Variants in RAPGEF4 observed in about 807,000 individuals in gnomAD.
RAPGEF4 encodes RAP guanine-nucleotide-exchange factor (GEF) 4.
Under a neutral mutation model 147.9 loss-of-function variants are expected in RAPGEF4, and 66 were observed. The observed-to-expected ratio is 0.45, with a 90% CI of 0.37 to 0.55. The LOEUF (loss-of-function observed/expected upper bound fraction) is 0.55, where lower values mean the gene tolerates loss of function less well. Ranked by LOEUF, RAPGEF4 falls within the 20% of genes least tolerant of loss-of-function variation. The probability of loss-of-function intolerance (pLI) is 0.00; values close to 1 mark genes in which losing one functional copy is unlikely to be tolerated. For synonymous variants in RAPGEF4, 419 were observed against 442.7 expected, an observed-to-expected ratio of 0.95 and a Z score of 0.67; for missense variants, 1,071 against 1,257.3, an observed-to-expected ratio of 0.85 and a Z score of 2.24.
chr2:173,004,155 G>T (rs1021717658), intron 17 of RAPGEF4, among the ~76,000 whole-genome samples: 1 of 152,148 alleles, frequency 6.6e-6, no homozygotes, highest in Non-Finnish European at 1.5e-5. Context: ...TCCACATTGT[G>T]TGTCTCTTCC....
chr2:173,043,294 T>A (rs1280159478), intron 29 of RAPGEF4, among the ~76,000 whole-genome samples: 2 of 152,106 alleles, frequency 1.3e-5, no homozygotes, highest in African/African-American at 4.8e-5. Flanking sequence ...TGGCAAACAT[T>A]AAGAGCAAGG....
intron 4 of RAPGEF4, among the ~76,000 whole-genome samples, chr2:172,821,277 C>T (rs1689035590): frequency 6.6e-6 from 1 of 152,160 alleles, no homozygotes; most frequent in African/African-American, 2.4e-5. Context: ...GAATGCCCGG[C>T]CCACCTGCAG....
chr2:172,924,968 GAC>G (rs1685128921), intron 6 of RAPGEF4, among the ~76,000 whole-genome samples: 1 of 152,102 alleles, frequency 6.6e-6, no homozygotes, highest in East Asian at 1.9e-4. Flanking sequence ...TTGTTTTTGA[GAC>G]AGAGTCTCAT....
At chr2:172,997,356 C>T (rs916484010) in intron 16 of RAPGEF4, among the ~76,000 whole-genome samples, 1 of 152,120 alleles carries the variant, frequency 6.6e-6, no homozygotes, top group African/African-American at 2.4e-5. Flanking sequence ...GGATTAAGGC[C>T]CTCATTAAGG....
intron 1 of RAPGEF4, among the ~76,000 whole-genome samples, chr2:172,788,339 A>C (rs1217560676): frequency 1.3e-5 from 2 of 152,224 alleles, no homozygotes; most frequent in African/African-American, 2.4e-5. Context: ...AAGAGATGTT[A>C]TCAATTGGAT....
At chr2:172,929,138 A>C (rs1409212753) in intron 6 of RAPGEF4, among the ~76,000 whole-genome samples, 1 of 152,192 alleles carries the variant, frequency 6.6e-6, no homozygotes, top group Non-Finnish European at 1.5e-5. Flanking sequence ...ATGTGTTTGA[A>C]TTTTTATTGT....
At chr2:172,994,541 G>A (rs568295160) in intron 15 of RAPGEF4, among the ~76,000 whole-genome samples, 32 of 152,174 alleles carry the variant, frequency 2.1e-4, no homozygotes, top group African/African-American at 5.8e-4. Context: ...TAAACAGGAC[G>A]ACCTTATTCA....
chr2:172,769,214 G>A lies in RAPGEF4; in HGVS notation c.66-25811G>A, dbSNP rs1367035307. ...GATCTCTGGAATAAACTTGACAGTA[G>A]ACAGCAGAAAAGGCATACACATTTA... On this transcript the variant is annotated intron_variant, in intron 1 of 30. Coordinates refer to ENST00000397081, the MANE Select transcript of RAPGEF4 (RefSeq NM_007023.4). Among the ~76,000 whole-genome samples, 3 of 151,908 alleles carry A rather than the reference G, an allele frequency of 2.0e-5. No homozygotes were observed. The South Asian group carries it at 6.2e-4, about 32-fold the overall frequency.
chr2:172,855,908 A>G (rs1693364209), intron 4 of RAPGEF4, among the ~76,000 whole-genome samples: 1 of 152,040 alleles, frequency 6.6e-6, no homozygotes, highest in African/African-American at 2.4e-5. Context: ...TAATAGTTTG[A>G]ATATGATGTG....
intron 14 of RAPGEF4, among the ~76,000 whole-genome samples, 200 bp from the exon 15 acceptor site, chr2:172,990,610 A>G (rs1692734114): frequency 6.6e-6 from 1 of 152,188 alleles, no homozygotes; most frequent in African/African-American, 2.4e-5. Flanking sequence ...GCTAGGGTAA[A>G]AGCAGTCTTA....
At chr2:172,823,132 C>A (rs931027415) in intron 4 of RAPGEF4, among the ~76,000 whole-genome samples, 5 of 152,196 alleles carry the variant, frequency 3.3e-5, no homozygotes, top group African/African-American at 9.7e-5. Flanking sequence ...CTCGTTTCAT[C>A]CAAGGACAAA....
rs1486193180 is a variant in RAPGEF4 at position 172,735,972 on chromosome 2, C to T, written c.-12C>T. ...TCGCCGCAGCCAGGGACACCGCGCG[C>T]CGCCGCTCAACATGGTCGCTGCGCA... On this transcript the variant is annotated 5_prime_UTR_variant, in exon 1 of 31. Coordinates refer to ENST00000397081, the MANE Select transcript of RAPGEF4 (RefSeq NM_007023.4). 2 of 1,460,782 alleles carry T rather than the reference C, an allele frequency of 1.4e-6. No homozygotes were observed. Among genetic ancestry groups the T allele is most frequent in the African/African-American group, 1.5e-5 (1 of 67,602 alleles). The allele number at this position is 1,460,782 out of a possible 1,614,324, so 90.5% of individuals were successfully genotyped here.
intron 4 of RAPGEF4, among the ~76,000 whole-genome samples, chr2:172,856,032 A>G (rs2149755310): frequency 6.6e-6 from 1 of 152,126 alleles, no homozygotes; most frequent in Non-Finnish European, 1.5e-5. Context: ...GGGAAATTTG[A>G]GGTATTATTT....
intron 3 of RAPGEF4, among the ~76,000 whole-genome samples, chr2:172,803,529 C>A (rs951404227): frequency 4.6e-5 from 7 of 152,220 alleles, no homozygotes; most frequent in Admixed American, 1.3e-4. Context: ...TTTTTTCCTC[C>A]TAGGCCTCTG....
chr2:172,809,528 C>T (rs1000109102), intron 3 of RAPGEF4, among the ~76,000 whole-genome samples: 8 of 151,912 alleles, frequency 5.3e-5, no homozygotes, highest in African/African-American at 4.8e-5. Flanking sequence ...GCAGAAATGC[C>T]GATTTTATTT....
intron 4 of RAPGEF4, among the ~76,000 whole-genome samples, chr2:172,897,764 A>ATTTTATTTTATTTTATTTTATTTAT (rs142965204): frequency 8.1e-6 from 1 of 123,848 alleles, no homozygotes; most frequent in Non-Finnish European, 1.7e-5. Context: ...ATTTTATTTT[A>ATTTTATTTTATTTTATTTTATTTAT]TTTATTTTAT....
chr2:172,949,970 A>G (rs1356843522), intron 6 of RAPGEF4, among the ~76,000 whole-genome samples: 1 of 152,238 alleles, frequency 6.6e-6, no homozygotes, highest in Admixed American at 6.5e-5. Context: ...TTGCCTTTCT[A>G]TCAGGGTATC....
intron 1 of RAPGEF4, among the ~76,000 whole-genome samples, chr2:172,775,619 T>G (rs1684085124): frequency 6.6e-6 from 1 of 152,158 alleles, no homozygotes; most frequent in Non-Finnish European, 1.5e-5. Context: ...CCAAAAAGAA[T>G]GAAATTCAAG....
At chr2:172,754,756 C>A (rs1695604467) in intron 1 of RAPGEF4, among the ~76,000 whole-genome samples, 1 of 152,086 alleles carries the variant, frequency 6.6e-6, no homozygotes, top group African/African-American at 2.4e-5. Flanking sequence ...TTAAAAAAAT[C>A]CTCAGGCCAG....
Sources: gnomAD v4.1 joint callset for allele counts (sites outside exome capture counted in the v4.1 genomes callset) on GRCh38, gnomAD v4.1.1 for gene constraint, MANE v1.5 for transcripts, NCBI Gene and HGNC (gene_info 2026-07-23, HGNC 2026-07-21) for gene names.